Variants in CCDC3 observed in about 807,000 individuals in gnomAD.
The protein encoded by CCDC3 is coiled-coil domain-containing protein 3.
Under a neutral mutation model 21.4 loss-of-function variants are expected in CCDC3, and 24 were observed. The observed-to-expected ratio is 1.12, with a 90% confidence interval of 0.81 to 1.58. The LOEUF (loss-of-function observed/expected upper bound fraction) is 1.58, where lower values mean the gene tolerates loss of function less well. Among genes scored for constraint, CCDC3 ranks in the 40% most tolerant of loss-of-function variants. The probability of loss-of-function intolerance (pLI) is 0.00; values close to 1 mark genes in which losing one functional copy is unlikely to be tolerated. For missense variants in CCDC3, 425 were observed against 360.9 expected (o/e 1.18, Z -1.44); for synonymous variants, 186 against 166.0 (o/e 1.12, Z -0.93).
chr10:13,040,442 C>T (rs185000487), intron 5 of CCDC3, among the ~76,000 whole-genome samples: 41 of 152,210 alleles, frequency 2.7e-4, no homozygotes, highest in East Asian at 7.7e-4. Context: ...CGGTGGCTCG[C>T]GCCTGTAATC....
intron 2 of CCDC3, among the ~76,000 whole-genome samples, chr10:12,986,140 C>CT (rs1252494141): frequency 3.3e-5 from 5 of 152,216 alleles, no homozygotes; most frequent in African/African-American, 1.2e-4. Flanking sequence ...GCCTGTGTAA[C>CT]TATCAGGTTG....
Position 12,976,344 on chromosome 10 carries a change from C to A in CCDC3, c.549+21994G>T, listed in dbSNP as rs534315191. 3.9e-5 allele frequency among the ~76,000 whole-genome samples: 6 copies of A among 152,338 alleles called. No homozygotes were observed. The East Asian group carries it at 5.8e-4, about 15-fold the overall frequency. On this transcript the variant is annotated intron_variant, in intron 2 of 2. Coordinates refer to ENST00000378825, the MANE Select transcript of CCDC3 (RefSeq NM_031455.4). ...CAGAGCATCTACTGAGCAATTACTA[C>A]TGTGCTTTAGGCCCCAGGCTACAAA...
intron 2 of CCDC3, among the ~76,000 whole-genome samples, chr10:12,992,865 T>C (rs1272673603): frequency 1.3e-5 from 2 of 152,194 alleles, no homozygotes; most frequent in Non-Finnish European, 2.9e-5. Context: ...GGCTACTTAT[T>C]TGGAGGATTT....
chr10:13,021,627 T>C (rs11594483), intron 5 of CCDC3, among the ~76,000 whole-genome samples: 20,234 of 152,186 alleles, frequency 0.13, 1,452 homozygotes, highest in Middle Eastern at 0.19. Context: ...GTAATACCTA[T>C]CTCTTTTCTC....
At position 13,006,909 on chromosome 10, in the gene CCDC3, T is replaced by C. The variant is rs115308653; in HGVS notation, c.-1-8397A>G. Among the ~76,000 whole-genome samples, 256 of 152,310 alleles carry C rather than the reference T, an allele frequency of 1.7e-3. 2 individuals are homozygous for C. The highest frequency in any genetic ancestry group is 6.0e-3 in the African/African-American group (249 of 41,586). On this transcript the variant is annotated intron_variant, in intron 5 of 6. Coordinates refer to the CCDC3 transcript ENST00000378839. ...ATAGATCAGGCACTACACCCACAGG[T>C]TGCCCACATATTTACTTTCAAGAGA...
chr10:13,097,347 T>C (rs1278050949), intron 3 of CCDC3, among the ~76,000 whole-genome samples: 3 of 152,186 alleles, frequency 2.0e-5, no homozygotes, highest in Admixed American at 2.0e-4. Flanking sequence ...AGCCAGGCGT[T>C]CTTCTAGGTG....
intron 2 of CCDC3, among the ~76,000 whole-genome samples, chr10:12,976,978 G>A (rs186113895): frequency 6.6e-6 from 1 of 152,262 alleles, no homozygotes; most frequent in East Asian, 1.9e-4. Flanking sequence ...TCCCCCACTC[G>A]AAAGTGTCTG....
At chr10:12,958,740 C>T (rs903964774) in intron 2 of CCDC3, among the ~76,000 whole-genome samples, 1 of 152,168 alleles carries the variant, frequency 6.6e-6, no homozygotes, top group African/African-American at 2.4e-5. Flanking sequence ...CTCCTCTCTG[C>T]TGCCCCAAGC....
At chr10:13,005,181 T>A (rs532112851), upstream of CCDC3, among the ~76,000 whole-genome samples, 4 of 152,310 alleles carry the variant, frequency 2.6e-5, no homozygotes, top group African/African-American at 7.2e-5. Flanking sequence ...CCAGTGTCCT[T>A]CAGGATCACC....
chr10:13,030,912 C>T (rs1231910449), intron 5 of CCDC3, among the ~76,000 whole-genome samples: 1 of 152,150 alleles, frequency 6.6e-6, no homozygotes, highest in Non-Finnish European at 1.5e-5. Context: ...TTTAACACCC[C>T]ACTGTCAACA....
chr10:13,039,244 C>T lies in CCDC3; in HGVS notation c.-2+10430G>A, dbSNP rs981110381. Among the ~76,000 whole-genome samples, 10 of 152,032 alleles carry T rather than the reference C, an allele frequency of 6.6e-5. No individual in the cohort carries two copies. The South Asian group carries it at 1.2e-3, about 19-fold the overall frequency. On this transcript the variant is annotated intron_variant, in intron 5 of 6. Transcript: ENST00000378839. ...CAGCCTAGGCAACATAGTGAAACCC[C>T]GTTTCTACTAAACCCGCATATCTCA...
At chr10:13,061,072 C>T (rs961822633) in intron 4 of CCDC3, among the ~76,000 whole-genome samples, 1 of 152,178 alleles carries the variant, frequency 6.6e-6, no homozygotes, top group Non-Finnish European at 1.5e-5. Flanking sequence ...GTTTCTAAAT[C>T]TGTAAAACAG....
intron 2 of CCDC3, among the ~76,000 whole-genome samples, chr10:12,989,862 G>A (rs1403896298): frequency 2.6e-5 from 4 of 152,012 alleles, no homozygotes; most frequent in South Asian, 2.1e-4. Flanking sequence ...GCCTCATAGC[G>A]CAAATCAAGA....
intron 2 of CCDC3, among the ~76,000 whole-genome samples, chr10:12,974,278 G>A (rs1166540951): frequency 6.6e-6 from 1 of 152,202 alleles, no homozygotes; most frequent in Non-Finnish European, 1.5e-5. Flanking sequence ...CCATCTAGGA[G>A]GGGGCCGCTT....
chr10:13,045,991 G>A (rs1003968547), intron 5 of CCDC3, among the ~76,000 whole-genome samples: 1 of 152,008 alleles, frequency 6.6e-6, no homozygotes, highest in Non-Finnish European at 1.5e-5. Flanking sequence ...CAGGAAGGCT[G>A]AGGCAGGAGA....
chr10:13,051,998 T>G (rs1836614146), intron 4 of CCDC3, among the ~76,000 whole-genome samples: 1 of 152,062 alleles, frequency 6.6e-6, no homozygotes, highest in Admixed American at 6.6e-5. Context: ...ATGCAGCTGC[T>G]CATCTAAGCA....
At chr10:12,922,519 A>T (rs1052227119) in intron 2 of CCDC3, among the ~76,000 whole-genome samples, 1 of 152,172 alleles carries the variant, frequency 6.6e-6, no homozygotes, top group Non-Finnish European at 1.5e-5. Flanking sequence ...TGACAATTTA[A>T]GAAGAGGCTT....
intron 2 of CCDC3, among the ~76,000 whole-genome samples, chr10:12,980,163 G>A (rs1408503233): frequency 6.6e-6 from 1 of 152,166 alleles, no homozygotes; most frequent in African/African-American, 2.4e-5. Context: ...AGTACGTCGG[G>A]TGATCTCTGG....
intron 3 of CCDC3, among the ~76,000 whole-genome samples, chr10:13,096,862 C>T (rs1208200779): frequency 6.6e-6 from 1 of 152,160 alleles, no homozygotes; most frequent in African/African-American, 2.4e-5. Context: ...GCGGGGGAGT[C>T]ACTCCTCCCT....
Sources: allele counts gnomAD v4.1 joint callset (sites outside exome capture counted in the v4.1 genomes callset), GRCh38; gene constraint gnomAD v4.1.1; transcripts MANE v1.5; gene names NCBI Gene and HGNC (gene_info 2026-07-23, HGNC 2026-07-21).